GPC5: variants seen among roughly 807,000 people sequenced by gnomAD.
GPC5 encodes glypican 5.
A neutral mutation model predicts 53.9 loss-of-function variants in GPC5; 47 were observed. The observed-to-expected ratio is 0.87, with a 90% CI of 0.69 to 1.11. The LOEUF is 1.11. GPC5 is among the 50% of genes most tolerant of loss of function. The probability of loss-of-function intolerance (pLI) is 0.00; values close to 1 mark genes in which losing one functional copy is unlikely to be tolerated. For missense variants in GPC5, 748 were observed against 713.1 expected (o/e 1.05, Z -0.56); for synonymous variants, 286 against 263.3 (o/e 1.09, Z -0.84).
chr13:92,710,089 T>A (rs1016254896), intron 7 of GPC5, among the ~76,000 whole-genome samples: 1 of 152,226 alleles, frequency 6.6e-6, no homozygotes, highest in Non-Finnish European at 1.5e-5. Flanking sequence ...GTTTCTAGCC[T>A]GTACATAAAC....
chr13:91,653,794 G>A (rs1247472981), intron 2 of GPC5, among the ~76,000 whole-genome samples: 1 of 152,004 alleles, frequency 6.6e-6, no homozygotes, highest in Non-Finnish European at 1.5e-5. Context: ...ATTTTTAACA[G>A]CTTTCAGGCA....
intron 7 of GPC5, among the ~76,000 whole-genome samples, chr13:92,817,044 G>T (rs1877500890): frequency 6.6e-6 from 1 of 151,932 alleles, no homozygotes. Context: ...CTGCTTGAAG[G>T]ATTCTAATAC....
At chr13:92,645,526 G>A (rs866153881) in intron 7 of GPC5, among the ~76,000 whole-genome samples, 9 of 151,958 alleles carry the variant, frequency 5.9e-5, no homozygotes, top group East Asian at 1.9e-4. Flanking sequence ...TATGTATTAC[G>A]TTTTCCTTGA....
rs58657651 is a variant in GPC5, at chr13:92,527,201, GAA to G, written c.1562-339079_1562-339078del. 1.8e-3 allele frequency among the ~76,000 whole-genome samples: 45 copies of G among 24,348 alleles called. 3 individuals are homozygous for G. The highest frequency in any genetic ancestry group is 4.2e-3 in the Admixed American group (7 of 1,648). The allele number at this position is 24,348 out of a possible 152,430, so 16.0% of individuals were successfully genotyped here. ...AAGAAAGAAGAAAGAAAGAAAGAAAGAAAGAAAGAAAGAAAGAAAGAAAGAAA... is the reference window on the plus strand; with the variant it reads ...AAGAAAGAAGAAAGAAAGAAAGAAAGAGAAAGAAAGAAAGAAAGAAAGAAA... On this transcript the variant is annotated intron_variant, in intron 7 of 7. Transcript: ENST00000377067.
chr13:92,295,840 T>C (rs1407005321), intron 7 of GPC5, among the ~76,000 whole-genome samples: 6 of 152,164 alleles, frequency 3.9e-5, no homozygotes, highest in Non-Finnish European at 7.3e-5. Flanking sequence ...ACCTTAAGTT[T>C]GTGTGAGTCC....
intron 5 of GPC5, among the ~76,000 whole-genome samples, chr13:91,766,784 C>T (rs1447619948): frequency 6.6e-6 from 1 of 152,070 alleles, no homozygotes; most frequent in Non-Finnish European, 1.5e-5. Context: ...TGCTTGAACC[C>T]GGGAGGTGGA....
At chr13:92,062,309 C>T (rs1399167832) in intron 6 of GPC5, among the ~76,000 whole-genome samples, 1 of 151,736 alleles carries the variant, frequency 6.6e-6, no homozygotes, top group Non-Finnish European at 1.5e-5. Flanking sequence ...AGATTGCTTC[C>T]TAAGAAATAC....
chr13:91,566,852 C>A (rs2031554158), intron 2 of GPC5, among the ~76,000 whole-genome samples: 1 of 151,198 alleles, frequency 6.6e-6, no homozygotes. Context: ...GATTAGTCAA[C>A]CAAAATGTTG....
intron 3 of GPC5, among the ~76,000 whole-genome samples, chr13:91,717,442 C>T (rs985467763): frequency 6.6e-6 from 1 of 152,210 alleles, no homozygotes. Context: ...CAAGGTAGCC[C>T]TTCCATCTAT....
chr13:92,031,392 C>A (rs7985989), intron 6 of GPC5, among the ~76,000 whole-genome samples: 3 of 151,308 alleles, frequency 2.0e-5, no homozygotes, highest in Non-Finnish European at 4.4e-5. Context: ...CCTCTGGGCA[C>A]ATACCCAGTA....
At chr13:91,523,062 G>C (rs1402327190) in intron 2 of GPC5, among the ~76,000 whole-genome samples, 1 of 152,140 alleles carries the variant, frequency 6.6e-6, no homozygotes, top group African/African-American at 2.4e-5. Context: ...CATAGTTTAG[G>C]ATGGCGATTA....
Position 91,901,969 on chromosome 13 carries a change from G to A in GPC5, c.1281-5968G>A, listed in dbSNP as rs374525055. ...AACCCCCGATAGAAATAGCAATAAA[G>A]GTAAAACAAGAAAGCTCTCATCAAG... On this transcript the variant is annotated intron_variant, in intron 5 of 7. Transcript: ENST00000377067. Among the ~76,000 whole-genome samples the A allele has an allele frequency of 1.6e-4, 24 of 151,910 alleles. No homozygotes were observed. The East Asian group carries it at 2.9e-3, about 18-fold the overall frequency.
intron 7 of GPC5, among the ~76,000 whole-genome samples, chr13:92,195,574 G>A (rs12876819): frequency 0.34 from 51,252 of 151,706 alleles, 9,427 homozygotes; most frequent in South Asian, 0.49. Flanking sequence ...TGCTTCTACT[G>A]ACACCACGTA....
At chr13:92,269,219 G>GT (rs1340119696) in intron 7 of GPC5, among the ~76,000 whole-genome samples, 1 of 151,838 alleles carries the variant, frequency 6.6e-6, no homozygotes, top group East Asian at 1.9e-4. Flanking sequence ...TTTGAAATTT[G>GT]TTTTTGTATA....
intron 7 of GPC5, among the ~76,000 whole-genome samples, chr13:92,158,681 C>T (rs961157826): frequency 6.7e-5 from 10 of 150,180 alleles, no homozygotes; most frequent in Admixed American, 4.7e-4. Flanking sequence ...TTTAATTCCT[C>T]AACATCTCTT....
chr13:92,175,152 C>T (rs1427291666), intron 7 of GPC5, among the ~76,000 whole-genome samples: 3 of 152,138 alleles, frequency 2.0e-5, no homozygotes, highest in Non-Finnish European at 4.4e-5. Flanking sequence ...TGTGCCTGGC[C>T]GAACTTTGAT....
chr13:91,919,401 T>C (rs1335693636), intron 6 of GPC5, among the ~76,000 whole-genome samples: 1 of 152,202 alleles, frequency 6.6e-6, no homozygotes, highest in Non-Finnish European at 1.5e-5. Context: ...AAGTCACTAG[T>C]TATCATTTGC....
At chr13:92,172,810 T>C (rs1406151558) in intron 7 of GPC5, among the ~76,000 whole-genome samples, 3 of 152,034 alleles carry the variant, frequency 2.0e-5, no homozygotes, top group African/African-American at 4.8e-5. Context: ...TCTGAAACTA[T>C]TTTTTCCAAT....
intron 7 of GPC5, among the ~76,000 whole-genome samples, chr13:92,382,346 A>C (rs1449878744): frequency 6.6e-6 from 1 of 151,902 alleles, no homozygotes; most frequent in Non-Finnish European, 1.5e-5. Context: ...TACCACCTGT[A>C]CCCCCAATAA....
Sources: allele counts gnomAD v4.1 joint callset (sites outside exome capture counted in the v4.1 genomes callset), GRCh38; gene constraint gnomAD v4.1.1; transcripts MANE v1.5; gene names NCBI Gene and HGNC (gene_info 2026-07-23, HGNC 2026-07-21).